The following TCF4 variants were observed in gnomAD, a reference collection of about 807,000 sequenced individuals.
TCF4 encodes transcription factor 4.
A neutral mutation model predicts 82.1 loss-of-function variants in TCF4; 3 were observed. The observed-to-expected ratio is 0.04, with a 90% CI of 0.02 to 0.09. TCF4 has a LOEUF of 0.09. Among genes scored for constraint, TCF4 ranks in the 10% least tolerant of loss-of-function variants. The probability of loss-of-function intolerance (pLI) is 1.00; values close to 1 mark genes in which losing one functional copy is unlikely to be tolerated. For missense variants in TCF4, 518 were observed against 852.7 expected (o/e 0.61, Z 4.89); for synonymous variants, 276 against 309.6 (o/e 0.89, Z 1.14).
chr18:55,567,032 G>A (rs562318445), intron 3 of TCF4, among the ~76,000 whole-genome samples: 2 of 152,094 alleles, frequency 1.3e-5, no homozygotes, highest in South Asian at 2.1e-4. Flanking sequence ...ATGAGCCACA[G>A]GGAAATTCAG....
chr18:55,357,632 C>T (rs2083900107), intron 6 of TCF4, among the ~76,000 whole-genome samples: 1 of 152,124 alleles, frequency 6.6e-6, no homozygotes, highest in African/African-American at 2.4e-5. Flanking sequence ...AAAATAAAGG[C>T]ATATCAAACT....
chr18:55,522,379 A>T (rs2096940319), intron 3 of TCF4, among the ~76,000 whole-genome samples: 1 of 152,228 alleles, frequency 6.6e-6, no homozygotes, highest in South Asian at 2.1e-4. Flanking sequence ...GGAAATATGT[A>T]CTCATAATTC....
intron 2 of TCF4, among the ~76,000 whole-genome samples, chr18:55,598,908 G>A (rs2097693927): frequency 6.6e-6 from 1 of 152,184 alleles, no homozygotes; most frequent in Non-Finnish European, 1.5e-5. Context: ...CAGTAAAAAT[G>A]GAAGCAATCA....
chr18:55,404,956 A>G (rs1761924208), intron 5 of TCF4, among the ~76,000 whole-genome samples: 1 of 152,284 alleles, frequency 6.6e-6, no homozygotes, highest in Non-Finnish European at 1.5e-5. Context: ...CGCTCAGCGC[A>G]AAGTATAAAA....
At chr18:55,417,692 C>T (rs1317630985) in intron 5 of TCF4, among the ~76,000 whole-genome samples, 1 of 151,990 alleles carries the variant, frequency 6.6e-6, no homozygotes, top group Non-Finnish European at 1.5e-5. Context: ...ACTAAGTTGC[C>T]TAAAATAATA....
intron 3 of TCF4, among the ~76,000 whole-genome samples, chr18:55,552,644 T>C (rs1029648342): frequency 7.9e-5 from 12 of 152,252 alleles, no homozygotes; most frequent in Non-Finnish European, 1.5e-4. Flanking sequence ...CCAGGAATAC[T>C]GTTTTTATAC....
intron 15 of TCF4, among the ~76,000 whole-genome samples, chr18:55,240,382 G>A (rs944885084): frequency 2.0e-5 from 3 of 152,192 alleles, no homozygotes; most frequent in Non-Finnish European, 4.4e-5. Context: ...TGTCTGAACT[G>A]TAATCTCCCC....
At chr18:55,412,349 G>GTTTT (rs545341480) in intron 5 of TCF4, among the ~76,000 whole-genome samples, 4 of 141,094 alleles carry the variant, frequency 2.8e-5, no homozygotes, top group African/African-American at 1.0e-4. Flanking sequence ...AATGAAGGCT[G>GTTTT]TTTTTTTTTT....
Position 55,224,255 on chromosome 18 carries a change from T to C in TCF4, c.*3780A>G, listed in dbSNP as rs957051631. 6.6e-6 allele frequency: 1 copy of C among 152,256 alleles called. No individual in the cohort carries two copies. Among genetic ancestry groups the C allele is most frequent in the Non-Finnish European group, 1.5e-5 (1 of 67,974 alleles). 9.4% of individuals were successfully genotyped at this position (152,256 alleles called of 1,614,324 possible). A position where few individuals can be genotyped will look rare whatever the true frequency, so the allele number is the denominator to read the frequency against. ...GTTCATATATTTTCACCATTACATATGTCTATAATACTTGAAATGAGTATG... is the reference window on the plus strand; with the variant it reads ...GTTCATATATTTTCACCATTACATACGTCTATAATACTTGAAATGAGTATG... On this transcript the variant is annotated 3_prime_UTR_variant, in exon 20 of 20. Coordinates refer to ENST00000354452, the MANE Select transcript of TCF4 (RefSeq NM_001083962.2).
intron 6 of TCF4, among the ~76,000 whole-genome samples, chr18:55,374,572 C>G (rs1010550971): frequency 6.6e-6 from 1 of 151,978 alleles, no homozygotes; most frequent in Middle Eastern, 3.4e-3. Flanking sequence ...CACAAAGAAA[C>G]AGAAATGGAA....
chr18:55,388,452 T>C (rs1369835547), intron 6 of TCF4, among the ~76,000 whole-genome samples: 5 of 152,224 alleles, frequency 3.3e-5, no homozygotes, highest in Admixed American at 2.6e-4. Context: ...ACAGGAAACA[T>C]TCAAAATATT....
chr18:55,463,511 T>G (rs997931838), intron 4 of TCF4, among the ~76,000 whole-genome samples: 5 of 152,108 alleles, frequency 3.3e-5, no homozygotes, highest in Admixed American at 3.3e-4. Context: ...TAGCAAAAAG[T>G]TGAGGGCAAA....
chr18:55,438,004 C>T (rs2095364575), intron 5 of TCF4, among the ~76,000 whole-genome samples: 1 of 152,094 alleles, frequency 6.6e-6, no homozygotes, highest in Non-Finnish European at 1.5e-5. Flanking sequence ...AGTTTGAGAC[C>T]AGCCTGGCCA....
intron 3 of TCF4, among the ~76,000 whole-genome samples, chr18:55,474,309 G>A (rs1170290941): frequency 6.6e-6 from 1 of 152,162 alleles, no homozygotes; most frequent in Non-Finnish European, 1.5e-5. Context: ...AGAATTGTAA[G>A]AGAATGAAAG....
At chr18:55,390,079 C>A (rs2092944480) in intron 6 of TCF4, among the ~76,000 whole-genome samples, 1 of 151,982 alleles carries the variant, frequency 6.6e-6, no homozygotes, top group African/African-American at 2.4e-5. Flanking sequence ...TTTCTCAACT[C>A]ACAATTTGGT....
chr18:55,272,524 C>T (rs537526462), intron 10 of TCF4, among the ~76,000 whole-genome samples: 3 of 152,150 alleles, frequency 2.0e-5, no homozygotes, highest in South Asian at 4.1e-4. Flanking sequence ...TCCTGTATTT[C>T]GTGTCTATTA....
chr18:55,543,808 A>G (rs559674037), intron 3 of TCF4, among the ~76,000 whole-genome samples: 11 of 152,208 alleles, frequency 7.2e-5, no homozygotes, highest in Non-Finnish European at 1.3e-4. Context: ...TCAAGCATGC[A>G]TGAGCCAATA....
At chr18:55,369,814 C>T (rs573192996) in intron 6 of TCF4, among the ~76,000 whole-genome samples, 14 of 152,112 alleles carry the variant, frequency 9.2e-5, no homozygotes, top group Non-Finnish European at 1.9e-4. Flanking sequence ...CTTACTAAAC[C>T]GGGTTCTTTA....
intron 3 of TCF4, among the ~76,000 whole-genome samples, chr18:55,475,634 C>T (rs1343381000): frequency 1.3e-5 from 2 of 152,154 alleles, no homozygotes; most frequent in Non-Finnish European, 2.9e-5. Context: ...TCACTTGTAC[C>T]ACTCTTAGAC....
Sources: gnomAD v4.1 joint callset for allele counts (sites outside exome capture counted in the v4.1 genomes callset) on GRCh38, gnomAD v4.1.1 for gene constraint, MANE v1.5 for transcripts, NCBI Gene and HGNC (gene_info 2026-07-23, HGNC 2026-07-21) for gene names.